RAB21: variants seen among roughly 807,000 people sequenced by gnomAD.
The protein encoded by RAB21 is ras-related protein Rab-21.
In RAB21, 13 loss-of-function variants were observed where a neutral mutation model predicts 33.1. The observed-to-expected ratio is 0.39, with a 90% CI of 0.26 to 0.62. The LOEUF is 0.62. RAB21 is among the 20% of genes least tolerant of loss of function. The pLI, the probability that RAB21 is intolerant of heterozygous loss-of-function variation, is 0.48. For synonymous variants in RAB21, 91 were observed against 103.7 expected, an observed-to-expected ratio of 0.88 and a Z score of 0.74; for missense variants, 234 against 279.1, an observed-to-expected ratio of 0.84 and a Z score of 1.15.
At chr12:71,783,883 A>G (rs1031168611) in intron 6 of RAB21, among the ~76,000 whole-genome samples, 3 of 151,972 alleles carry the variant, frequency 2.0e-5, no homozygotes, top group African/African-American at 7.2e-5. Flanking sequence ...CCTTCTGATA[A>G]TGCTTTTAAA....
At position 71,792,300 on chromosome 12, in the gene RAB21, GAAAGTC is replaced by G. The variant is rs1310030272; in HGVS notation, c.*6630_*6635del. 1 of 152,200 alleles carries G rather than the reference GAAAGTC, an allele frequency of 6.6e-6. No individual in the cohort carries two copies. Among genetic ancestry groups the G allele is most frequent in the African/African-American group, 2.4e-5 (1 of 41,448 alleles). The allele number at this position is 152,200 out of a possible 1,614,324, so 9.4% of individuals were successfully genotyped here. A position where few individuals can be genotyped will look rare whatever the true frequency, so the allele number is the denominator to read the frequency against. The stretch of plus-strand genomic sequence containing the variant: ...AGCTTAAAAACTTGTAGCGTTCTGG[GAAAGTC>G]AAGTCAAACTCTTGAATGCTATCCT... On this transcript the variant is annotated 3_prime_UTR_variant, in exon 7 of 7. Coordinates refer to ENST00000261263, the MANE Select transcript of RAB21 (RefSeq NM_014999.4).
intron 1 of RAB21, among the ~76,000 whole-genome samples, chr12:71,755,809 A>G (rs1592640692): frequency 6.6e-6 from 1 of 152,184 alleles, no homozygotes. Flanking sequence ...CCGCTTGCCT[A>G]GGCGTGTTAC....
Position 71,797,060 on chromosome 12 carries a change from G to T in RAB21, c.*11387G>T, listed in dbSNP as rs1424636103. 2 of 152,102 alleles carry T rather than the reference G, an allele frequency of 1.3e-5. No homozygotes were observed. The highest frequency in any genetic ancestry group is 2.4e-5 in the African/African-American group (1 of 41,436). 9.4% of individuals were successfully genotyped at this position (152,102 alleles called of 1,614,324 possible). On this transcript the variant is annotated 3_prime_UTR_variant, in exon 7 of 7. Coordinates refer to ENST00000261263, the MANE Select transcript of RAB21 (RefSeq NM_014999.4). ...TCGTGTTTCCATTTTCATAATGGGG[G>T]TTAGTCATAAACCATTCTATGTGGA...
chr12:71,764,294 C>A (rs1882926196), intron 1 of RAB21, among the ~76,000 whole-genome samples: 3 of 152,040 alleles, frequency 2.0e-5, no homozygotes, highest in Admixed American at 2.0e-4. Flanking sequence ...AATTACTTCT[C>A]CCCCCTCAGT....
intron 1 of RAB21, among the ~76,000 whole-genome samples, chr12:71,762,541 G>A (rs1165589977): frequency 2.0e-5 from 3 of 151,846 alleles, no homozygotes; most frequent in Admixed American, 1.3e-4. Context: ...TCCTGACCTC[G>A]TGATCCGCCC....
At chr12:71,776,557 T>G (rs1436445607) in intron 4 of RAB21, among the ~76,000 whole-genome samples, 1 of 152,088 alleles carries the variant, frequency 6.6e-6, no homozygotes, top group African/African-American at 2.4e-5. Context: ...TTTAATATTA[T>G]ATAATGTTTA....
At chr12:71,781,952 A>G (rs777215798) in intron 4 of RAB21, 79 bp from the exon 5 acceptor site, 2 of 1,130,120 alleles carry the variant, frequency 1.8e-6, no homozygotes, top group South Asian at 1.4e-5. Flanking sequence ...TAAAATGGCA[A>G]TTTTATATTT....
chr12:71,768,679 C>T (rs965137571), intron 1 of RAB21, among the ~76,000 whole-genome samples: 3 of 152,098 alleles, frequency 2.0e-5, no homozygotes, highest in African/African-American at 7.2e-5. Flanking sequence ...TGCTTGAAAC[C>T]ATTCAGTGAT....
At chr12:71,764,789 A>C (rs192587074) in intron 1 of RAB21, among the ~76,000 whole-genome samples, 4 of 152,302 alleles carry the variant, frequency 2.6e-5, no homozygotes, top group Non-Finnish European at 4.4e-5. Flanking sequence ...ACATTATTTC[A>C]TTCCTTTTTA....
At chr12:71,763,319 G>A (rs1882907627) in intron 1 of RAB21, among the ~76,000 whole-genome samples, 2 of 152,058 alleles carry the variant, frequency 1.3e-5, no homozygotes, top group Non-Finnish European at 1.5e-5. Context: ...ACGGTAGTTA[G>A]CAAGCACAGC....
intron 6 of RAB21, among the ~76,000 whole-genome samples, chr12:71,783,263 T>C (rs933867612): frequency 1.3e-5 from 2 of 152,044 alleles, no homozygotes; most frequent in African/African-American, 4.8e-5. Context: ...TTTTCTACTT[T>C]ATGTTTGAAA....
chr12:71,780,965 C>G (rs1423143670), intron 4 of RAB21, among the ~76,000 whole-genome samples: 1 of 151,966 alleles, frequency 6.6e-6, no homozygotes, highest in African/African-American at 2.4e-5. Context: ...TTTTTATTAC[C>G]TTTAGCACTC....
rs551718468 is a variant in RAB21, at chr12:71,791,741, A to T, written c.*6068A>T. Reference sequence around the variant, plus strand: ...TAACAGTTTGGTTTGTGTCTTTATTATGCAGTTTTATATTTATATTTGGCC... The same window carrying T: ...TAACAGTTTGGTTTGTGTCTTTATTTTGCAGTTTTATATTTATATTTGGCC... On this transcript the variant is annotated 3_prime_UTR_variant, in exon 7 of 7. Transcript: ENST00000261263. The T allele has an allele frequency of 2.0e-5, 3 of 152,058 alleles. No individual in the cohort carries two copies. Among genetic ancestry groups the T allele is most frequent in the Non-Finnish European group, 4.4e-5 (3 of 67,990 alleles). The allele number at this position is 152,058 out of a possible 1,614,324, so 9.4% of individuals were successfully genotyped here.
At chr12:71,771,220 A>G (rs1883037542) in intron 3 of RAB21, among the ~76,000 whole-genome samples, 1 of 152,218 alleles carries the variant, frequency 6.6e-6, no homozygotes, top group African/African-American at 2.4e-5. Context: ...CTTCCCTTCA[A>G]AAACACACCA....
intron 6 of RAB21, 150 bp from the exon 7 acceptor site, chr12:71,785,381 T>C: frequency 1.2e-6 from 1 of 832,588 alleles, no homozygotes; most frequent in Non-Finnish European, 1.8e-6. Context: ...CAGGTGAAGC[T>C]GTTTTAGTGA....
At chr12:71,771,117 A>G (rs1883035934) in intron 3 of RAB21, among the ~76,000 whole-genome samples, 1 of 152,198 alleles carries the variant, frequency 6.6e-6, no homozygotes, top group Non-Finnish European at 1.5e-5. Context: ...TGTGAAGAGG[A>G]AAAAGGAGGA....
At chr12:71,769,127 T>A (rs1472269551) in intron 1 of RAB21, among the ~76,000 whole-genome samples, 2 of 152,202 alleles carry the variant, frequency 1.3e-5, no homozygotes, top group Non-Finnish European at 2.9e-5. Context: ...CTACTGCTCC[T>A]AAAGGGGAGA....
rs944555540 is a variant in RAB21, at chr12:71,786,083, A to G, written c.*410A>G. The G allele has an allele frequency of 6.4e-6, 1 of 156,122 alleles. No individual in the cohort carries two copies. The highest frequency in any genetic ancestry group is 1.4e-5 in the Non-Finnish European group (1 of 70,522). 9.7% of individuals were successfully genotyped at this position (156,122 alleles called of 1,614,324 possible). ...CGCCCGGCTAATTTTTTGTATTTTTAGTAGAGACGGGGTTTCACCAGGTTA... is the reference window on the plus strand; with the variant it reads ...CGCCCGGCTAATTTTTTGTATTTTTGGTAGAGACGGGGTTTCACCAGGTTA... On this transcript the variant is annotated 3_prime_UTR_variant, in exon 7 of 7. Transcript: ENST00000261263.
At chr12:71,777,464 T>C (rs961235543) in intron 4 of RAB21, among the ~76,000 whole-genome samples, 2 of 152,228 alleles carry the variant, frequency 1.3e-5, no homozygotes, top group African/African-American at 4.8e-5. Context: ...TGCATTGTTT[T>C]TCCCACTTCT....
Sources: allele counts gnomAD v4.1 joint callset (sites outside exome capture counted in the v4.1 genomes callset), GRCh38; gene constraint gnomAD v4.1.1; transcripts MANE v1.5; gene names NCBI Gene and HGNC (gene_info 2026-07-23, HGNC 2026-07-21).